Variants in EXOC2 observed in about 807,000 individuals in gnomAD.
EXOC2 encodes the protein SEC5-like 1.
EXOC2 carries 70 observed loss-of-function variants against 131.8 expected under a neutral mutation model. The ratio of observed to expected loss-of-function variants is 0.53; its 90% CI spans 0.44 to 0.65. The LOEUF (loss-of-function observed/expected upper bound fraction) is 0.65, where lower values mean the gene tolerates loss of function less well. EXOC2 is among the 30% of genes least tolerant of loss of function. The pLI, the probability that EXOC2 is intolerant of heterozygous loss-of-function variation, is 0.00. For missense variants in EXOC2, 923 were observed against 1,108.6 expected (o/e 0.83, Z 2.38); for synonymous variants, 411 against 398.4 (o/e 1.03, Z -0.38).
At chr6:638,281 G>T (rs1256946716) in intron 1 of EXOC2, among the ~76,000 whole-genome samples, 1 of 152,160 alleles carries the variant, frequency 6.6e-6, no homozygotes, top group Non-Finnish European at 1.5e-5. Context: ...CATTCCCACA[G>T]GTGTACTGAA....
chr6:690,259 G>A (rs1764856203), intron 1 of EXOC2, among the ~76,000 whole-genome samples: 1 of 152,194 alleles, frequency 6.6e-6, no homozygotes, highest in Admixed American at 6.5e-5. Context: ...GGGAGGCTGA[G>A]GTAGAAGGAT....
At chr6:688,731 A>C (rs1027123288) in intron 1 of EXOC2, among the ~76,000 whole-genome samples, 37 of 150,890 alleles carry the variant, frequency 2.5e-4, no homozygotes, top group African/African-American at 8.5e-4. Flanking sequence ...GCTCCTCACC[A>C]CTCCTTGTAT....
intron 22 of EXOC2, among the ~76,000 whole-genome samples, chr6:545,235 A>C (rs1205869612): frequency 1.3e-5 from 2 of 152,116 alleles, no homozygotes; most frequent in African/African-American, 4.8e-5. Context: ...TCGTCAGGTG[A>C]AAATCTGGAA....
chr6:591,222 C>T (rs1401614420), intron 11 of EXOC2, among the ~76,000 whole-genome samples: 4 of 152,128 alleles, frequency 2.6e-5, no homozygotes, highest in African/African-American at 9.7e-5. Context: ...CGGCCAGAGT[C>T]GTCATCTTTT....
intron 23 of EXOC2, among the ~76,000 whole-genome samples, chr6:500,587 G>A (rs1051766203): frequency 6.6e-6 from 1 of 152,064 alleles, no homozygotes; most frequent in African/African-American, 2.4e-5. Flanking sequence ...CATTCACAGC[G>A]TTCACTAAGA....
At chr6:692,519 G>C (rs1407105491) in intron 1 of EXOC2, among the ~76,000 whole-genome samples, 1 of 152,264 alleles carries the variant, frequency 6.6e-6, no homozygotes, top group Non-Finnish European at 1.5e-5. Flanking sequence ...ACACCCGCGC[G>C]AGGATCAAGT....
intron 1 of EXOC2, chr6:657,152 C>T (rs1313600018): frequency 2.4e-6 from 1 of 411,046 alleles, no homozygotes; most frequent in Non-Finnish European, 4.3e-6. Flanking sequence ...CCTCCCAACG[C>T]CCGTTCTCAC....
chr6:524,060 CAG>C (rs1167520167), intron 23 of EXOC2: 2 of 152,122 alleles, frequency 1.3e-5, no homozygotes, highest in African/African-American at 4.8e-5. Flanking sequence ...TTATGTTAAA[CAG>C]AGGGGGTAGC....
intron 11 of EXOC2, among the ~76,000 whole-genome samples, chr6:589,877 C>A (rs1161169909): frequency 6.6e-6 from 1 of 152,180 alleles, no homozygotes; most frequent in Non-Finnish European, 1.5e-5. Context: ...GAGGCCGAGG[C>A]GGGTGGATCA....
intron 1 of EXOC2, among the ~76,000 whole-genome samples, chr6:683,519 T>C (rs1221434992): frequency 6.6e-6 from 1 of 152,182 alleles, no homozygotes; most frequent in African/African-American, 2.4e-5. Context: ...ATATAATAAC[T>C]ATGGTAAACA....
At chr6:610,212 T>G (rs1760644958) in intron 6 of EXOC2, 34 bp from the exon 7 acceptor site, 1 of 1,511,920 alleles carries the variant, frequency 6.6e-7, no homozygotes, top group African/African-American at 1.4e-5. Flanking sequence ...ATGTAGGCCA[T>G]TTTAATGGGT....
intron 11 of EXOC2, among the ~76,000 whole-genome samples, chr6:582,335 C>T (rs1188596642): frequency 2.0e-5 from 3 of 152,086 alleles, no homozygotes; most frequent in Admixed American, 6.6e-5. Context: ...AGTAAGGTTA[C>T]TGTATTTTCT....
chr6:531,036 G>A lies in EXOC2; in HGVS notation c.2380+1433C>T, dbSNP rs367908583. 4.6e-5 allele frequency among the ~76,000 whole-genome samples: 7 copies of A among 152,340 alleles called. No homozygotes were observed. The East Asian group carries it at 5.8e-4, about 13-fold the overall frequency. On this transcript the variant is annotated intron_variant, in intron 23 of 27. Transcript: ENST00000230449. ...TTTCACACTGGGAACTTGAGCATCC[G>A]TGGAATCTGGTACCTGTGGGGATGC...
chr6:489,209 G>A (rs1057216098), intron 26 of EXOC2, among the ~76,000 whole-genome samples, 171 bp from the exon 27 acceptor site: 2 of 152,262 alleles, frequency 1.3e-5, no homozygotes, highest in Admixed American at 6.5e-5. Flanking sequence ...AAGCGAAGGT[G>A]TAGCTACCAG....
At chr6:651,918 C>T (rs537861383) in intron 1 of EXOC2, among the ~76,000 whole-genome samples, 3 of 150,952 alleles carry the variant, frequency 2.0e-5, no homozygotes, top group African/African-American at 4.9e-5. Context: ...TAGCCGGGTG[C>T]GGTGGTGCGC....
chr6:597,952 A>G, intron 10 of EXOC2, 69 bp downstream of exon 10: 1 of 1,126,050 alleles, frequency 8.9e-7, no homozygotes, highest in East Asian at 2.5e-5. Context: ...GTTAGCCTTA[A>G]GGGTTACAAG....
rs1454912832 is a variant in EXOC2 at position 506,537 on chromosome 6, T to C, written c.2381-6837A>G. ...TTCAATAAACCCCCACAACTTTCCA[T>C]GTTGTTCAAGCGAGGGAATGAGAAA... On this transcript the variant is annotated intron_variant, in intron 23 of 27. Transcript: ENST00000230449. This position sits in a 1 kb window ranked among gnomAD's most constrained non-coding sequence, Gnocchi z 4.4. Among the ~76,000 whole-genome samples, 2 of 152,220 alleles carry C rather than the reference T, an allele frequency of 1.3e-5. No homozygotes were observed. The highest frequency in any genetic ancestry group is 4.8e-5 in the African/African-American group (2 of 41,458).
chr6:608,976 T>C (rs1458599270), intron 7 of EXOC2, among the ~76,000 whole-genome samples: 1 of 152,210 alleles, frequency 6.6e-6, no homozygotes, highest in Non-Finnish European at 1.5e-5. Flanking sequence ...TTTAACAACA[T>C]TGGTGACTTG....
In EXOC2 at chr6:521,098, G is replaced by A. The variant is rs541875979; in HGVS notation, c.2380+11371C>T. On this transcript the variant is annotated intron_variant, in intron 23 of 27. Transcript: ENST00000230449. Reference sequence around the variant, plus strand: ...CACCCACCGAGCGCCGACACTCGCCGTCCACACTCGGACATGAAAACAACC... The same window carrying A: ...CACCCACCGAGCGCCGACACTCGCCATCCACACTCGGACATGAAAACAACC... Among the ~76,000 whole-genome samples the A allele has an allele frequency of 2.1e-5, 3 of 144,818 alleles. 1 individual carries two copies. Among genetic ancestry groups the A allele is most frequent in the Non-Finnish European group, 4.5e-5 (3 of 66,062 alleles).
Sources: allele counts gnomAD v4.1 joint callset (sites outside exome capture counted in the v4.1 genomes callset), GRCh38; gene constraint gnomAD v4.1.1; non-coding constraint Gnocchi (gnomAD v3.1); transcripts MANE v1.5; gene names NCBI Gene and HGNC (gene_info 2026-07-23, HGNC 2026-07-21).